Variants in NAV1 observed in about 807,000 individuals in gnomAD.
NAV1 encodes pore membrane and/or filament interacting like protein 3.
In NAV1, 18 loss-of-function variants were observed where a neutral mutation model predicts 175.2. The observed-to-expected ratio is 0.10, with a 90% CI of 0.07 to 0.15. NAV1 has a LOEUF of 0.15. NAV1 is among the 10% of genes least tolerant of loss of function. NAV1 has a pLI of 1.00. For synonymous variants in NAV1, 897 were observed against 978.7 expected (o/e 0.92, Z 1.56); for missense variants, 1,731 against 2,436.6 (o/e 0.71, Z 6.10).
intron 2 of NAV1, among the ~76,000 whole-genome samples, chr1:201,632,800 A>G (rs1668514976): frequency 6.6e-6 from 1 of 152,196 alleles, no homozygotes; most frequent in Non-Finnish European, 1.5e-5. Flanking sequence ...GCCTCATACT[A>G]GGGCTGTTTT....
intron 3 of NAV1, among the ~76,000 whole-genome samples, chr1:201,778,298 C>T (rs879183764): frequency 2.0e-5 from 3 of 152,126 alleles, no homozygotes; most frequent in Non-Finnish European, 2.9e-5. Flanking sequence ...CCTCTTTTTG[C>T]GAGGGTCCTT....
At chr1:201,540,704 A>G (rs1049311626) in intron 1 of NAV1, among the ~76,000 whole-genome samples, 2 of 152,176 alleles carry the variant, frequency 1.3e-5, no homozygotes, top group Non-Finnish European at 2.9e-5. Flanking sequence ...GAACAGCTCT[A>G]TGGATTTTGT....
At chr1:201,606,580 A>G (rs1283069367) in intron 2 of NAV1, among the ~76,000 whole-genome samples, 4 of 152,216 alleles carry the variant, frequency 2.6e-5, no homozygotes, top group Non-Finnish European at 5.9e-5. Flanking sequence ...CAGTCCTGGT[A>G]TTCTGTATTT....
exon 1 of NAV1, chr1:201,649,145 C>T (rs767314586): frequency 5.6e-6 from 9 of 1,611,920 alleles, no homozygotes; most frequent in South Asian, 5.5e-5. Flanking sequence ...GCGCCAAGAC[C>T]CCCCTGGCTC....
chr1:201,614,160 A>T (rs903639229), intron 2 of NAV1, among the ~76,000 whole-genome samples: 3 of 151,844 alleles, frequency 2.0e-5, no homozygotes, highest in African/African-American at 7.3e-5. Context: ...GTTCAGAGAT[A>T]CTCCAGCCCT....
intron 1 of NAV1, among the ~76,000 whole-genome samples, chr1:201,706,997 C>T (rs1359013578): frequency 3.3e-5 from 5 of 152,080 alleles, no homozygotes; most frequent in Non-Finnish European, 1.5e-5. Context: ...CAGAGGGGAC[C>T]CCTGAGGTTC....
intron 1 of NAV1, among the ~76,000 whole-genome samples, chr1:201,689,813 C>A (rs113347092): frequency 6.6e-6 from 1 of 152,224 alleles, no homozygotes; most frequent in African/African-American, 2.4e-5. Flanking sequence ...TGGAAGCTCT[C>A]CTAGGGGCCT....
intron 2 of NAV1, among the ~76,000 whole-genome samples, chr1:201,606,225 G>T (rs1667671627): frequency 1.3e-5 from 2 of 152,210 alleles, no homozygotes; most frequent in African/African-American, 4.8e-5. Context: ...ATGTGGCCAG[G>T]GATCGACCAG....
At chr1:201,544,262 T>C (rs981469496) in intron 1 of NAV1, among the ~76,000 whole-genome samples, 1 of 152,234 alleles carries the variant, frequency 6.6e-6, no homozygotes, top group Non-Finnish European at 1.5e-5. Flanking sequence ...GGGTTAGAAC[T>C]ACTCAATGGT....
At chr1:201,744,304 GTATGTATGTATGTATTTATT>G (rs1673623063) in intron 3 of NAV1, among the ~76,000 whole-genome samples, 1 of 131,428 alleles carries the variant, frequency 7.6e-6, no homozygotes, top group African/African-American at 3.2e-5. Context: ...TGACGGCTAT[GTATGTATGTATGTATTTATT>G]TATTTATTTA....
chr1:201,697,462 C>G (rs1321681395), intron 1 of NAV1, among the ~76,000 whole-genome samples: 1 of 152,130 alleles, frequency 6.6e-6, no homozygotes, highest in Non-Finnish European at 1.5e-5. Context: ...TACCTTGCCC[C>G]CAGCTTTCTC....
At chr1:201,577,587 T>C (rs1666729073) in intron 1 of NAV1, among the ~76,000 whole-genome samples, 1 of 151,882 alleles carries the variant, frequency 6.6e-6, no homozygotes, top group Non-Finnish European at 1.5e-5. Flanking sequence ...CAAAAATCAG[T>C]TGGGCATATT....
At chr1:201,759,638 A>G (rs1674719567) in intron 3 of NAV1, among the ~76,000 whole-genome samples, 1 of 152,168 alleles carries the variant, frequency 6.6e-6, no homozygotes, top group Non-Finnish European at 1.5e-5. Context: ...GGATGGGTAT[A>G]AGTAATAGCT....
At position 201,808,752 on chromosome 1, in the gene NAV1, C is replaced by T; in HGVS notation, c.4088C>T (p.Pro1363Leu). Residue 1363 changes from proline (P) to leucine (L), a missense_variant, in exon 20 of 30, where the codon CCA (proline) becomes CTA (leucine). Transcript: ENST00000367296. The surrounding 1 kb of genome is among the most constrained non-coding windows in gnomAD (Gnocchi z 5.5). ...GAGAATGACCGACTGAAGGTAGCCC[C>T]AGGCCCCTCATCAGGCTCCACTCCA... 6.2e-7 allele frequency: 1 copy of T among 1,614,218 alleles called. No homozygotes were observed. Among genetic ancestry groups the T allele is most frequent in the Non-Finnish European group, 8.5e-7 (1 of 1,180,052 alleles).
At chr1:201,609,870 G>C (rs1280131361) in intron 2 of NAV1, among the ~76,000 whole-genome samples, 1 of 152,200 alleles carries the variant, frequency 6.6e-6, no homozygotes, top group Non-Finnish European at 1.5e-5. Context: ...AGAGGGAGGA[G>C]GGAGAGAGGG....
At chr1:201,567,064 A>G (rs1220016025) in intron 1 of NAV1, among the ~76,000 whole-genome samples, 1 of 109,702 alleles carries the variant, frequency 9.1e-6, no homozygotes, top group East Asian at 2.5e-4. Context: ...CCCACCCCCC[A>G]TCCCCAGCCA....
intron 3 of NAV1, among the ~76,000 whole-genome samples, chr1:201,747,399 T>A (rs901550968): frequency 6.6e-6 from 1 of 152,184 alleles, no homozygotes; most frequent in Admixed American, 6.5e-5. Flanking sequence ...TAAAAATAGG[T>A]TTTTAACAGC....
At chr1:201,691,117 T>C (rs1181656343) in intron 1 of NAV1, among the ~76,000 whole-genome samples, 2 of 152,202 alleles carry the variant, frequency 1.3e-5, no homozygotes, top group African/African-American at 4.8e-5. Context: ...GGTCAGTTAA[T>C]TCTTTGCTAT....
In NAV1 at chr1:201,782,173, C is replaced by A; in HGVS notation, c.1664-3C>A. The A allele has an allele frequency of 1.3e-6, 2 of 1,568,782 alleles. No homozygotes were observed. The highest frequency in any genetic ancestry group is 1.7e-6 in the Non-Finnish European group (2 of 1,158,728). ...TCTTTTCTCATTTCCCGTCCTCTTG[C>A]AGGCAAACCTGAGGGCAAAGCTACA... On this transcript the variant is annotated splice_polypyrimidine_tract_variant and splice_region_variant and intron_variant, in intron 5 of 29. Coordinates refer to ENST00000367296, the Ensembl canonical transcript of NAV1. This position sits in a 1 kb window ranked among gnomAD's most constrained non-coding sequence, Gnocchi z 5.4.
Sources: gnomAD v4.1 joint callset for allele counts (sites outside exome capture counted in the v4.1 genomes callset) on GRCh38, gnomAD v4.1.1 for gene constraint, Gnocchi (gnomAD v3.1) non-coding constraint, MANE v1.5 for transcripts, NCBI Gene and HGNC (gene_info 2026-07-23, HGNC 2026-07-21) for gene names.